SMG9: variants seen among roughly 807,000 people sequenced by gnomAD.
SMG9 encodes the protein nonsense-mediated mRNA decay factor SMG9.
In SMG9, 55 loss-of-function variants were observed where a neutral mutation model predicts 64.0. The ratio of observed to expected loss-of-function variants is 0.86; its 90% confidence interval spans 0.69 to 1.08. The LOEUF (loss-of-function observed/expected upper bound fraction) is 1.08. Ranked by LOEUF, SMG9 falls within the 50% of genes least tolerant of loss-of-function variation. The pLI is 0.00. For missense variants in SMG9, 554 were observed against 681.3 expected (o/e 0.81, Z 2.08); for synonymous variants, 244 against 254.8 (o/e 0.96, Z 0.41).
intron 8 of SMG9, 114 bp downstream of exon 8, chr19:43,738,008 G>C (rs1419307585): frequency 9.9e-6 from 10 of 1,012,106 alleles, no homozygotes; most frequent in Non-Finnish European, 1.5e-5. Context: ...GGGGCAGCCA[G>C]GGCTCTTCTG....
rs775800413 is a variant in SMG9 at position 43,737,691 on chromosome 19, G to C, written c.910-9C>G. ...GCAGCAATCTGGAGTGACTGAGGGT[G>C]GGCAGGATGGAAGGGAGGTGAGGAC... On this transcript the variant is annotated splice_polypyrimidine_tract_variant and intron_variant, in intron 8 of 13. Transcript: ENST00000270066. 1 of 1,613,598 alleles carries C rather than the reference G, an allele frequency of 6.2e-7. No homozygotes were observed. Among genetic ancestry groups the C allele is most frequent in the Non-Finnish European group, 8.5e-7 (1 of 1,179,734 alleles).
In SMG9 at chr19:43,744,369, G is replaced by A. The variant is rs538427715; in HGVS notation, c.701+403C>T. ...GGTGCTCATTAACTTTTGCCTTCTT[G>A]ATCTTATTTTATTCTCCAAAAATCT... On this transcript the variant is annotated intron_variant, in intron 6 of 13. Transcript: ENST00000270066. Among the ~76,000 whole-genome samples, 4 of 152,254 alleles carry A rather than the reference G, an allele frequency of 2.6e-5. No individual in the cohort carries two copies. In the East Asian group the frequency reaches 7.7e-4, roughly 29 times the overall value.
chr19:43,748,786 C>T, intron 2 of SMG9: 1 of 520,168 alleles, frequency 1.9e-6, no homozygotes, highest in Non-Finnish European at 3.8e-6. Flanking sequence ...TCTGTTCCTT[C>T]ACCAATATAC....
At chr19:43,738,085 T>A (rs764499774) in intron 8 of SMG9, 37 bp downstream of exon 8, 1 of 1,592,332 alleles carries the variant, frequency 6.3e-7, no homozygotes, top group East Asian at 2.2e-5. Flanking sequence ...GGTGGGGATG[T>A]AAAACCTCAG....
At chr19:43,739,920 G>A (rs1968792447) in intron 7 of SMG9, 187 bp downstream of exon 7, 1 of 602,574 alleles carries the variant, frequency 1.7e-6, no homozygotes, top group Non-Finnish European at 3.0e-6. Flanking sequence ...AGGCGAATGA[G>A]ATGGGGGCAA....
At chr19:43,735,797 A>G (rs552521065) in intron 9 of SMG9, among the ~76,000 whole-genome samples, 2 of 152,230 alleles carry the variant, frequency 1.3e-5, no homozygotes, top group African/African-American at 2.4e-5. Flanking sequence ...CACATCTACA[A>G]TCTCAAGGGG....
chr19:43,737,431 T>TGC (rs1968705558), intron 9 of SMG9, among the ~76,000 whole-genome samples, 166 bp downstream of exon 9: 1 of 152,198 alleles, frequency 6.6e-6, no homozygotes, highest in Non-Finnish European at 1.5e-5. Flanking sequence ...GGGCTGTGTG[T>TGC]GCGCGCAGTG....
chr19:43,750,357 G>A (rs1969158139), intron 2 of SMG9: 2 of 699,886 alleles, frequency 2.9e-6, no homozygotes, highest in Admixed American at 1.8e-5. Flanking sequence ...ATGCTGGCAT[G>A]GCTTATTCTC....
At chr19:43,753,647 G>T (rs1969262536) in intron 1 of SMG9, among the ~76,000 whole-genome samples, 1 of 151,922 alleles carries the variant, frequency 6.6e-6, no homozygotes, top group African/African-American at 2.4e-5. Context: ...TTTCAGTAGA[G>T]ACGGGGTTTC....
rs752814999 is a variant in SMG9, at chr19:43,733,405, C to G, written c.1258G>C (p.Asp420His). 6.2e-6 allele frequency: 10 copies of G among 1,613,966 alleles called. No individual in the cohort carries two copies. The Admixed American group carries it at 1.7e-4, about 27-fold the overall frequency. Residue 420 changes from aspartate (D) to histidine (H), a missense_variant, in exon 12 of 14, where the codon GAC becomes CAC. Coordinates refer to ENST00000270066, the MANE Select transcript of SMG9 (RefSeq NM_019108.4). Reference protein sequence around the residue: ...QCNVFPGLPPDFLDSEVNLFL... With the variant: ...QCNVFPGLPPHFLDSEVNLFL... ...AAGTTGACCTCAGAGTCCAGGAAGTCAGGTGGAAGCCCCGGGAAGACATTG... is the reference window on the plus strand; with the variant it reads ...AAGTTGACCTCAGAGTCCAGGAAGTGAGGTGGAAGCCCCGGGAAGACATTG...
At chr19:43,748,940 G>C (rs962698953) in intron 2 of SMG9, 16 of 444,244 alleles carry the variant, frequency 3.6e-5, no homozygotes, top group Non-Finnish European at 6.3e-5. Context: ...GGCTAGGAAG[G>C]GGGAGATGAT....
intron 2 of SMG9, chr19:43,750,280 C>T (rs749550380): frequency 1.7e-6 from 1 of 571,612 alleles, no homozygotes; most frequent in East Asian, 4.5e-5. Flanking sequence ...TTGAACACGC[C>T]AGATATGGGC....
chr19:43,747,918 C>G (rs1204159292), intron 3 of SMG9, 21 bp from the exon 4 acceptor site: 1 of 1,613,976 alleles, frequency 6.2e-7, no homozygotes, highest in Non-Finnish European at 8.5e-7. Context: ...AAAAAAAATC[C>G]CATCAATGGG....
chr19:43,737,433 C>T lies in SMG9; in HGVS notation c.995+164G>A, dbSNP rs1024849913. ...TAAAGTCAGTGGAGGGCTGTGTGTGCGCGCAGTGCTTTGAGGGGGAGGTTA... is the reference window on the plus strand; with the variant it reads ...TAAAGTCAGTGGAGGGCTGTGTGTGTGCGCAGTGCTTTGAGGGGGAGGTTA... On this transcript the variant is annotated intron_variant, in intron 9 of 13. Coordinates refer to ENST00000270066, the MANE Select transcript of SMG9 (RefSeq NM_019108.4). Among the ~76,000 whole-genome samples, 8 of 152,266 alleles carry T rather than the reference C, an allele frequency of 5.3e-5. 1 individual carries two copies. The South Asian group carries it at 1.7e-3, about 32-fold the overall frequency.
rs1245203315 is a variant in SMG9, at chr19:43,728,154, C to G, written c.*3442G>C. 1 of 152,158 alleles carries G rather than the reference C, an allele frequency of 6.6e-6. No individual in the cohort carries two copies. Among genetic ancestry groups the G allele is most frequent in the Non-Finnish European group, 1.5e-5 (1 of 68,040 alleles). The allele number at this position is 152,158 out of a possible 1,614,324, so 9.4% of individuals were successfully genotyped here. A position where few individuals can be genotyped will look rare whatever the true frequency, so the allele number is the denominator to read the frequency against. ...GTTTGGATCTGTGTCCCCACCAGAT[C>G]TCATGTCAACTTGTAGTTTGTAGTC... is the stretch of plus-strand genomic sequence containing the variant. On this transcript the variant is annotated 3_prime_UTR_variant, in exon 14 of 14. Transcript: ENST00000270066.
chr19:43,743,287 T>G (rs1200260306), intron 6 of SMG9, among the ~76,000 whole-genome samples: 1 of 152,146 alleles, frequency 6.6e-6, no homozygotes, highest in East Asian at 1.9e-4. Flanking sequence ...ATCTAAGACC[T>G]GGAACTATTC....
chr19:43,744,722 T>A (rs751414695), intron 6 of SMG9, 50 bp downstream of exon 6: 6 of 1,432,234 alleles, frequency 4.2e-6, no homozygotes, highest in Middle Eastern at 1.9e-4. Flanking sequence ...TTGCCCCTGC[T>A]CCCAGTGGGT....
intron 6 of SMG9, 138 bp from the exon 7 acceptor site, chr19:43,740,356 T>G (rs1020013898): frequency 1.7e-5 from 12 of 685,838 alleles, no homozygotes; most frequent in Admixed American, 4.5e-5. Flanking sequence ...GTGGCCCATG[T>G]CAGGGGGTGG....
intron 2 of SMG9, chr19:43,750,283 A>T (rs1356293045): frequency 1.7e-6 from 1 of 575,914 alleles, no homozygotes; most frequent in African/African-American, 1.8e-5. Flanking sequence ...AACACGCCAG[A>T]TATGGGCCAC....
Sources: gnomAD v4.1 joint callset for allele counts (sites outside exome capture counted in the v4.1 genomes callset) on GRCh38, gnomAD v4.1.1 for gene constraint, MANE v1.5 for transcripts, NCBI Gene and HGNC (gene_info 2026-07-23, HGNC 2026-07-21) for gene names.